TACR3: variants seen among roughly 807,000 people sequenced by gnomAD.
TACR3 encodes the protein tachykinin receptor 3, also known as neuromedin-K receptor.
In TACR3, 34 loss-of-function variants were observed where a neutral mutation model predicts 35.0. That is an observed-to-expected ratio of 0.97 (90% confidence interval 0.74 to 1.30). The LOEUF is 1.30. TACR3 is among the 50% of genes most tolerant of loss of function. The probability of loss-of-function intolerance (pLI) is 0.00; values close to 1 mark genes in which losing one functional copy is unlikely to be tolerated. For missense variants in TACR3, 558 were observed against 591.7 expected (o/e 0.94, Z 0.59); for synonymous variants, 233 against 221.1 (o/e 1.05, Z -0.48).
chr4:103,690,466 A>G (rs763880807), intron 1 of TACR3, among the ~76,000 whole-genome samples: 34 of 152,158 alleles, frequency 2.2e-4, no homozygotes, highest in Non-Finnish European at 4.7e-4. Context: ...TGCATCTAAC[A>G]AGAGACCTTC....
chr4:103,614,884 G>GTTTTGTTTTTTTTT (rs1724601712), intron 3 of TACR3, among the ~76,000 whole-genome samples: 1 of 72,006 alleles, frequency 1.4e-5, no homozygotes, highest in Non-Finnish European at 2.6e-5. Flanking sequence ...TTATGAATGT[G>GTTTTGTTTTTTTTT]TTTTTTTTTT....
chr4:103,675,015 T>C (rs1472069126), intron 1 of TACR3, among the ~76,000 whole-genome samples: 2 of 152,246 alleles, frequency 1.3e-5, no homozygotes, highest in Non-Finnish European at 2.9e-5. Context: ...TATAAAAATA[T>C]AGGTGTTTTT....
chr4:103,700,693 T>C (rs893111518), intron 1 of TACR3, among the ~76,000 whole-genome samples: 1 of 152,184 alleles, frequency 6.6e-6, no homozygotes, highest in Non-Finnish European at 1.5e-5. Context: ...TTTAAAATGT[T>C]GCTGTACCAA....
chr4:103,642,963 A>C (rs1412064258), intron 3 of TACR3, among the ~76,000 whole-genome samples: 2 of 151,850 alleles, frequency 1.3e-5, no homozygotes, highest in Non-Finnish European at 2.9e-5. Context: ...ATCAATATGA[A>C]ATTTCAAAAA....
At chr4:103,675,726 A>T (rs543270063) in intron 1 of TACR3, among the ~76,000 whole-genome samples, 1 of 152,274 alleles carries the variant, frequency 6.6e-6, no homozygotes, top group Non-Finnish European at 1.5e-5. Flanking sequence ...AGTGGTAGAC[A>T]CGTCCGAAAG....
chr4:103,640,651 C>T (rs557275658), intron 3 of TACR3, among the ~76,000 whole-genome samples: 4 of 152,034 alleles, frequency 2.6e-5, no homozygotes, highest in East Asian at 3.9e-4. Flanking sequence ...TTGTCCAACC[C>T]GTGGCCCACA....
intron 3 of TACR3, among the ~76,000 whole-genome samples, chr4:103,611,517 T>C (rs902827366): frequency 6.6e-6 from 1 of 152,128 alleles, no homozygotes; most frequent in African/African-American, 2.4e-5. Context: ...GGGAGTAAAA[T>C]TTGTTGGAGA....
chr4:103,602,386 C>T (rs989637431), intron 3 of TACR3, among the ~76,000 whole-genome samples: 3 of 152,136 alleles, frequency 2.0e-5, no homozygotes, highest in Non-Finnish European at 4.4e-5. Context: ...CTCTCAACTC[C>T]TCTAAGTCAT....
chr4:103,690,064 A>T (rs1722365572), intron 1 of TACR3, among the ~76,000 whole-genome samples: 1 of 152,188 alleles, frequency 6.6e-6, no homozygotes, highest in South Asian at 2.1e-4. Flanking sequence ...GGGATGGAAT[A>T]TTAAAAGTGT....
intron 3 of TACR3, among the ~76,000 whole-genome samples, chr4:103,593,726 G>A (rs1280016122): frequency 2.0e-5 from 3 of 151,994 alleles, no homozygotes; most frequent in East Asian, 1.9e-4. Context: ...CCTTCAAGCC[G>A]TTGCACAATT....
At chr4:103,621,556 G>A (rs1359728769) in intron 3 of TACR3, among the ~76,000 whole-genome samples, 4 of 152,156 alleles carry the variant, frequency 2.6e-5, no homozygotes, top group Admixed American at 2.0e-4. Context: ...TGGAGAAAAG[G>A]CTTAGGAAAG....
chr4:103,639,170 G>C (rs1725284600), intron 3 of TACR3, among the ~76,000 whole-genome samples: 1 of 152,098 alleles, frequency 6.6e-6, no homozygotes, highest in Admixed American at 6.5e-5. Flanking sequence ...ATTCACAATA[G>C]CAAAGACTTG....
chr4:103,604,218 G>A (rs905643082), intron 3 of TACR3, among the ~76,000 whole-genome samples: 5 of 151,948 alleles, frequency 3.3e-5, no homozygotes, highest in Non-Finnish European at 7.4e-5. Flanking sequence ...CAGAACAGAG[G>A]CCTCAGAAAT....
chr4:103,597,189 A>T (rs1724050169), intron 3 of TACR3, among the ~76,000 whole-genome samples: 1 of 145,354 alleles, frequency 6.9e-6, no homozygotes, highest in Non-Finnish European at 1.5e-5. Context: ...TGACTTCCAC[A>T]ATGGTTGAAC....
intron 1 of TACR3, among the ~76,000 whole-genome samples, chr4:103,667,027 G>T (rs568223895): frequency 2.6e-5 from 4 of 152,268 alleles, no homozygotes; most frequent in Admixed American, 1.3e-4. Flanking sequence ...GGAGGCCAAG[G>T]TGGGTGGATC....
At chr4:103,635,887 T>C (rs1178293712) in intron 3 of TACR3, among the ~76,000 whole-genome samples, 5 of 152,006 alleles carry the variant, frequency 3.3e-5, no homozygotes, top group Non-Finnish European at 7.4e-5. Flanking sequence ...ATTTCAATTC[T>C]CTTTCCATTG....
chr4:103,663,228 T>C (rs1480053517), intron 1 of TACR3, among the ~76,000 whole-genome samples: 37 of 152,202 alleles, frequency 2.4e-4, no homozygotes, highest in Non-Finnish European at 1.5e-5. Context: ...GCACAGTGGC[T>C]CACACCTGTA....
At chr4:103,707,600 C>A in intron 1 of TACR3, among the ~76,000 whole-genome samples, 1 of 152,140 alleles carries the variant, frequency 6.6e-6, no homozygotes, top group Non-Finnish European at 1.5e-5. Flanking sequence ...GTGATTTCTG[C>A]ATTTCCAACT....
chr4:103,630,364 T>C (rs1282093873), intron 3 of TACR3, among the ~76,000 whole-genome samples: 4 of 152,198 alleles, frequency 2.6e-5, no homozygotes, highest in African/African-American at 9.6e-5. Context: ...AAAGAGCTTC[T>C]GTACAGCAAA....
Sources: allele counts gnomAD v4.1 joint callset (sites outside exome capture counted in the v4.1 genomes callset), GRCh38; gene constraint gnomAD v4.1.1; transcripts MANE v1.5; gene names NCBI Gene and HGNC (gene_info 2026-07-23, HGNC 2026-07-21).